TRAK1: variants seen among roughly 807,000 people sequenced by gnomAD.
TRAK1 encodes the protein trafficking kinesin-binding protein 1.
TRAK1 carries 33 observed loss-of-function variants against 92.1 expected under a neutral mutation model. That is an observed-to-expected ratio of 0.36 (90% CI 0.27 to 0.48). The LOEUF (loss-of-function observed/expected upper bound fraction) is 0.48, where lower values mean the gene tolerates loss of function less well. TRAK1 is among the 20% of genes least tolerant of loss of function. The pLI is 0.99. For synonymous variants in TRAK1, 521 were observed against 517.3 expected (o/e 1.01, Z -0.10); for missense variants, 1,123 against 1,257.9 (o/e 0.89, Z 1.62).
At chr3:42,041,851 GT>G (rs1388022282) in intron 1 of TRAK1, among the ~76,000 whole-genome samples, 1 of 151,118 alleles carries the variant, frequency 6.6e-6, no homozygotes, top group African/African-American at 2.4e-5. Flanking sequence ...CTGGAGTGCA[GT>G]GGCGCGATCT....
At chr3:42,082,045 G>C (rs1467867018) in intron 1 of TRAK1, among the ~76,000 whole-genome samples, 4 of 152,132 alleles carry the variant, frequency 2.6e-5, no homozygotes, top group African/African-American at 9.7e-5. Context: ...TTTCCCTTTT[G>C]AGTCTTGAGT....
chr3:42,221,056 T>C (rs539633434), intron 15 of TRAK1, among the ~76,000 whole-genome samples: 1 of 144,308 alleles, frequency 6.9e-6, no homozygotes, highest in Non-Finnish European at 1.5e-5. Context: ...GGGAAGTCAG[T>C]AGCAAGAGAA....
chr3:42,136,174 G>T (rs375056437), intron 2 of TRAK1, among the ~76,000 whole-genome samples: 2 of 152,100 alleles, frequency 1.3e-5, no homozygotes, highest in African/African-American at 4.8e-5. Flanking sequence ...GACTTCATTG[G>T]TGATGACATG....
chr3:42,223,116 G>A lies in TRAK1; in HGVS notation c.2241G>A (p.Arg747=), dbSNP rs1164885966. Residue 747 remains arginine (R), a synonymous_variant, in exon 16 of 16, where the codon CGG becomes CGA. Coordinates refer to ENST00000327628, the MANE Select transcript of TRAK1 (RefSeq NM_001042646.3). The surrounding 1 kb of genome is among the most constrained non-coding windows in gnomAD (Gnocchi z 6.1). ...GGCTCGTGTGGCTGTTGAAGGAGCG[G>A]GGCATTTCTGCTGCCGTGTACGACC... ...SLGLVWLLKE[R]GISAAVYDPQ... 1.2e-6 allele frequency: 2 copies of A among 1,614,034 alleles called. No homozygotes were observed. Among genetic ancestry groups the A allele is most frequent in the Non-Finnish European group, 1.7e-6 (2 of 1,180,028 alleles).
chr3:42,163,346 G>A (rs879655212), intron 2 of TRAK1, among the ~76,000 whole-genome samples: 28 of 152,102 alleles, frequency 1.8e-4, no homozygotes, highest in Non-Finnish European at 2.8e-4. Flanking sequence ...TGAGGCGGGT[G>A]GATCATGAGG....
intron 13 of TRAK1, chr3:42,203,229 G>A: frequency 4.7e-6 from 5 of 1,065,274 alleles, no homozygotes; most frequent in Non-Finnish European, 5.7e-6. Context: ...CCACCTGAAT[G>A]TGATTTGTGG....
chr3:42,125,031 A>G (rs1174514800), intron 1 of TRAK1, among the ~76,000 whole-genome samples: 1 of 152,224 alleles, frequency 6.6e-6, no homozygotes, highest in Non-Finnish European at 1.5e-5. Flanking sequence ...TCAATGGTAA[A>G]AGAGTGGCAT....
intron 1 of TRAK1, among the ~76,000 whole-genome samples, chr3:42,075,006 C>A (rs1433720772): frequency 6.6e-6 from 1 of 152,104 alleles, no homozygotes; most frequent in Non-Finnish European, 1.5e-5. Flanking sequence ...GCCTTCAGCT[C>A]CATCTATGTT....
At chr3:42,077,355 C>T (rs1221178211) in intron 1 of TRAK1, among the ~76,000 whole-genome samples, 1 of 152,200 alleles carries the variant, frequency 6.6e-6, no homozygotes, top group African/African-American at 2.4e-5. Flanking sequence ...GTGGCATGAT[C>T]TAGGCTCACT....
In TRAK1 at chr3:42,193,126, C is replaced by T. The variant is rs368794100; in HGVS notation, c.821C>T (p.Thr274Met). ...ATCTCAGAGGAACTGGCCAAGAAGA[C>T]GGAAGATGCTGCCCGCCAGCAAGAG... ...ASISEELAKK[T>M]EDAARQQEEI... The change falls in exon 8 of 16, where the codon ACG becomes ATG. Residue 274 changes from threonine (T) to methionine (M), a missense_variant. Coordinates refer to ENST00000327628, the MANE Select transcript of TRAK1 (RefSeq NM_001042646.3). 2.5e-5 allele frequency: 41 copies of T among 1,614,040 alleles called. No individual in the cohort carries two copies. The highest frequency in any genetic ancestry group is 3.3e-4 in the Middle Eastern group (2 of 6,084).
intron 7 of TRAK1, among the ~76,000 whole-genome samples, chr3:42,192,368 A>G (rs1705899263): frequency 6.6e-6 from 1 of 152,244 alleles, no homozygotes; most frequent in African/African-American, 2.4e-5. Context: ...TTAAGTTTAC[A>G]AGTTAAGACC....
chr3:42,055,225 T>A (rs2148918713), intron 1 of TRAK1, among the ~76,000 whole-genome samples: 1 of 152,124 alleles, frequency 6.6e-6, no homozygotes, highest in Non-Finnish European at 1.5e-5. Context: ...CAGCCTGAAT[T>A]TTAACACATG....
chr3:42,062,926 C>G (rs553160150), intron 1 of TRAK1, among the ~76,000 whole-genome samples: 1 of 152,210 alleles, frequency 6.6e-6, no homozygotes, highest in African/African-American at 2.4e-5. Flanking sequence ...TATTACCTCA[C>G]TCCCCAGAGC....
chr3:42,113,339 TCTACTCCTACTCCTACG>T (rs1708715303), intron 1 of TRAK1, among the ~76,000 whole-genome samples: 1 of 151,488 alleles, frequency 6.6e-6, no homozygotes, highest in African/African-American at 2.4e-5. Flanking sequence ...TACTCTCTAC[TCTACTCCTACTCCTACG>T]CCTACGCCTA....
intron 2 of TRAK1, among the ~76,000 whole-genome samples, chr3:42,166,632 C>T (rs542238498): frequency 4.4e-4 from 67 of 152,318 alleles, no homozygotes; most frequent in African/African-American, 1.6e-3. Flanking sequence ...ATTGTAGATA[C>T]CCAGTAGTAG....
At chr3:42,076,351 G>A (rs1390787254) in intron 1 of TRAK1, among the ~76,000 whole-genome samples, 3 of 147,932 alleles carry the variant, frequency 2.0e-5, no homozygotes, top group Admixed American at 1.4e-4. Flanking sequence ...TCAGCCTCCC[G>A]AGTAGCTGGG....
Position 42,193,556 on chromosome 3 carries a change from G to A in TRAK1, c.901-268G>A, listed in dbSNP as rs142511163. On this transcript the variant is annotated intron_variant, in intron 8 of 15. Transcript: ENST00000327628. The stretch of plus-strand genomic sequence containing the variant: ...AGTATCCTCTTCAGATTTAAGAAGA[G>A]GCAGCAAAATGGACTTTGCTATTAG... Among the ~76,000 whole-genome samples, 751 of 152,264 alleles carry A rather than the reference G, an allele frequency of 4.9e-3. 6 individuals carry two copies. Among genetic ancestry groups the A allele is most frequent in the Middle Eastern group, 0.037 (11 of 294 alleles).
At chr3:42,114,711 A>C (rs1708937593) in intron 1 of TRAK1, among the ~76,000 whole-genome samples, 2 of 151,208 alleles carry the variant, frequency 1.3e-5, no homozygotes, top group Admixed American at 1.3e-4. Context: ...AACATACTTA[A>C]TTTTTTTTTC....
At position 42,121,234 on chromosome 3, in the gene TRAK1, A is replaced by G. The variant is rs73828549; in HGVS notation, c.92-4186A>G. ...ACAATGGTCTGGCTTGATGTTTGGCATGGTGAAAGCATTCCTGGGGAATTC... is the reference window on the plus strand; with the variant it reads ...ACAATGGTCTGGCTTGATGTTTGGCGTGGTGAAAGCATTCCTGGGGAATTC... On this transcript the variant is annotated intron_variant, in intron 1 of 15. Coordinates refer to ENST00000327628, the MANE Select transcript of TRAK1 (RefSeq NM_001042646.3). Among the ~76,000 whole-genome samples the G allele has an allele frequency of 2.0e-3, 303 of 151,114 alleles. 1 individual carries two copies. Among genetic ancestry groups the G allele is most frequent in the African/African-American group, 7.1e-3 (294 of 41,192 alleles).
Sources: gnomAD v4.1 joint callset for allele counts (sites outside exome capture counted in the v4.1 genomes callset) on GRCh38, gnomAD v4.1.1 for gene constraint, Gnocchi (gnomAD v3.1) non-coding constraint, MANE v1.5 for transcripts, NCBI Gene and HGNC (gene_info 2026-07-23, HGNC 2026-07-21) for gene names.